The following INVS variants were observed in gnomAD, a reference collection of about 807,000 sequenced individuals.
INVS encodes the protein inversin, also known as inversion of embryo turning homolog.
INVS carries 86 observed loss-of-function variants against 108.8 expected under a neutral mutation model. The observed-to-expected ratio is 0.79, with a 90% CI of 0.66 to 0.95. The LOEUF (loss-of-function observed/expected upper bound fraction) is 0.95, where lower values mean the gene tolerates loss of function less well. INVS is among the 40% of genes least tolerant of loss of function. The pLI is 0.00. For synonymous variants in INVS, 455 were observed against 473.5 expected, an observed-to-expected ratio of 0.96 and a Z score of 0.51; for missense variants, 1,169 against 1,297.4, an observed-to-expected ratio of 0.90 and a Z score of 1.52.
intron 3 of INVS, among the ~76,000 whole-genome samples, chr9:100,133,782 C>CACACACACAG (rs1235189530): frequency 4.4e-4 from 66 of 151,042 alleles, no homozygotes; most frequent in African/African-American, 1.5e-3. Flanking sequence ...CACACACACA[C>CACACACACAG]ACACACACAC....
Position 100,271,268 on chromosome 9 carries a change from CT to C in INVS, c.1572-1590del, listed in dbSNP as rs551189594. ...ATGCCATAATAACTCCTGTTTCTTG[CT>C]TTTTTCTTTGTCTTCATTTGACATC... On this transcript the variant is annotated intron_variant, in intron 11 of 16. Coordinates refer to ENST00000262457, the MANE Select transcript of INVS (RefSeq NM_014425.5). 2.8e-4 allele frequency among the ~76,000 whole-genome samples: 42 copies of C among 152,214 alleles called. No individual in the cohort carries two copies. In the South Asian group the frequency reaches 3.1e-3, roughly 11 times the overall value.
chr9:100,292,266 A>G, intron 13 of INVS, 60 bp from the exon 14 acceptor site: 8 of 1,399,058 alleles, frequency 5.7e-6, no homozygotes, highest in Non-Finnish European at 8.1e-6. Context: ...ATGTGAACAT[A>G]TTAGGAAAAT....
chr9:100,265,551 T>C lies in INVS; in HGVS notation c.1571+623T>C, dbSNP rs190811277. Among the ~76,000 whole-genome samples, 6 of 152,310 alleles carry C rather than the reference T, an allele frequency of 3.9e-5. No homozygotes were observed. In the East Asian group the frequency reaches 1.2e-3, roughly 29 times the overall value. On this transcript the variant is annotated intron_variant, in intron 11 of 16. Coordinates refer to ENST00000262457, the MANE Select transcript of INVS (RefSeq NM_014425.5). ...TAACGTCAGTGAAATCCTGATTGAC[T>C]GGGCCCAGGAGTACATTTAGGCCAG...
At chr9:100,179,894 T>G (rs1026092769) in intron 3 of INVS, among the ~76,000 whole-genome samples, 2 of 152,228 alleles carry the variant, frequency 1.3e-5, no homozygotes, top group African/African-American at 2.4e-5. Context: ...TAATTGGAAG[T>G]AAAACACTCC....
At chr9:100,241,026 C>G (rs1831854084) in intron 6 of INVS, among the ~76,000 whole-genome samples, 1 of 152,056 alleles carries the variant, frequency 6.6e-6, no homozygotes, top group African/African-American at 2.4e-5. Flanking sequence ...TTGATTCCCA[C>G]CTATTTAAGA....
chr9:100,122,211 C>A (rs1370105605), intron 2 of INVS, among the ~76,000 whole-genome samples: 1 of 152,148 alleles, frequency 6.6e-6, no homozygotes, highest in Non-Finnish European at 1.5e-5. Context: ...GTGTTCAGTT[C>A]TTCTGTGTCC....
chr9:100,179,679 C>G (rs1003484216), intron 3 of INVS, among the ~76,000 whole-genome samples: 3 of 151,896 alleles, frequency 2.0e-5, no homozygotes, highest in Non-Finnish European at 4.4e-5. Context: ...CTTAGGCTCC[C>G]ACACAATAAT....
intron 3 of INVS, chr9:100,131,906 A>G (rs1171644414): frequency 2.0e-6 from 2 of 981,912 alleles, no homozygotes; most frequent in African/African-American, 3.5e-5. Flanking sequence ...ACTGATTTAC[A>G]AAAAGGAGAA....
Position 100,225,588 on chromosome 9 carries a change from C to T in INVS, c.274-474C>T, listed in dbSNP as rs1376766420. Among the ~76,000 whole-genome samples, 9 of 152,198 alleles carry T rather than the reference C, an allele frequency of 5.9e-5. No homozygotes were observed. The East Asian group carries it at 1.3e-3, about 23-fold the overall frequency. On this transcript the variant is annotated intron_variant, in intron 3 of 16. Transcript: ENST00000262457. ...TGGTCAAAATGTGCTGAAACTAATA[C>T]ACCTACACATTGCTGCTGTTAGATA...
intron 3 of INVS, among the ~76,000 whole-genome samples, chr9:100,164,047 T>C (rs962357899): frequency 1.3e-5 from 2 of 152,234 alleles, no homozygotes; most frequent in Non-Finnish European, 2.9e-5. Flanking sequence ...AGAGTTGATG[T>C]TGGCTTGGAC....
At chr9:100,245,495 T>G (rs1832015813) in intron 7 of INVS, among the ~76,000 whole-genome samples, 1 of 152,112 alleles carries the variant, frequency 6.6e-6, no homozygotes, top group Non-Finnish European at 1.5e-5. Flanking sequence ...TTGGCCAGGA[T>G]GCTGTCAATC....
At chr9:100,221,909 C>A (rs1034462011) in intron 3 of INVS, among the ~76,000 whole-genome samples, 7 of 151,924 alleles carry the variant, frequency 4.6e-5, no homozygotes, top group Admixed American at 1.3e-4. Context: ...ATAAATTAAA[C>A]TTTACCATAG....
intron 3 of INVS, among the ~76,000 whole-genome samples, chr9:100,165,732 C>T (rs2119024848): frequency 6.6e-6 from 1 of 152,162 alleles, no homozygotes; most frequent in South Asian, 2.1e-4. Context: ...CTGTTTTTGG[C>T]CTGTGGGAGG....
chr9:100,215,195 C>A (rs1588094312), intron 3 of INVS, among the ~76,000 whole-genome samples: 1 of 152,046 alleles, frequency 6.6e-6, no homozygotes, highest in African/African-American at 2.4e-5. Flanking sequence ...AAAATGAATC[C>A]AGGTGGGTAA....
rs1177638806 is a variant in INVS, at chr9:100,292,854, C to T, written c.2597C>T (p.Thr866Ile). Residue 866 changes from threonine (T) to isoleucine (I), a missense_variant, in exon 14 of 17, where the codon ACC (threonine) becomes ATC (isoleucine). Thr to Ile is a moderately conservative substitution (Grantham distance 89). Coordinates refer to ENST00000262457, the MANE Select transcript of INVS (RefSeq NM_014425.5). ...RSGARRLETS[T>I]LSEDFQVSKE... ...GGAGCTAGGAGGCTGGAGACATCTA[C>T]CCTGTCCGAGGACTTTCAGGTATCT... 1 of 1,614,178 alleles carries T rather than the reference C, an allele frequency of 6.2e-7. No homozygotes were observed. Among genetic ancestry groups the T allele is most frequent in the Non-Finnish European group, 8.5e-7 (1 of 1,180,038 alleles).
intron 4 of INVS, among the ~76,000 whole-genome samples, chr9:100,226,948 T>C (rs1001251343): frequency 1.3e-5 from 2 of 152,044 alleles, no homozygotes; most frequent in East Asian, 1.9e-4. Flanking sequence ...AAATGCTTAG[T>C]GGTTTAGTGG....
At chr9:100,118,607 A>G (rs1189222335) in intron 2 of INVS, among the ~76,000 whole-genome samples, 1 of 152,004 alleles carries the variant, frequency 6.6e-6, no homozygotes, top group Non-Finnish European at 1.5e-5. Flanking sequence ...CTTTGGGTTT[A>G]TTTTTGTTTT....
At chr9:100,113,012 G>T (rs1256626032) in intron 2 of INVS, among the ~76,000 whole-genome samples, 2 of 152,170 alleles carry the variant, frequency 1.3e-5, no homozygotes, top group Non-Finnish European at 2.9e-5. Flanking sequence ...AATCATGAAA[G>T]ACAACTAGAG....
chr9:100,214,257 A>G (rs1830920504), intron 3 of INVS, among the ~76,000 whole-genome samples: 2 of 152,136 alleles, frequency 1.3e-5, no homozygotes, highest in Admixed American at 6.6e-5. Context: ...TCTGTTATCT[A>G]TTTTGACCCA....
Sources: gnomAD v4.1 joint callset for allele counts (sites outside exome capture counted in the v4.1 genomes callset) on GRCh38, gnomAD v4.1.1 for gene constraint, MANE v1.5 for transcripts, NCBI Gene and HGNC (gene_info 2026-07-23, HGNC 2026-07-21) for gene names.